ARHGAP24: variants seen among roughly 807,000 people sequenced by gnomAD.
The protein encoded by ARHGAP24 is Rho GTPase activating protein 24.
ARHGAP24 carries 50 observed loss-of-function variants against 76.4 expected under a neutral mutation model. The observed-to-expected ratio is 0.65, with a 90% CI of 0.52 to 0.83. The LOEUF (loss-of-function observed/expected upper bound fraction) is 0.83. ARHGAP24 is among the 40% of genes least tolerant of loss of function. ARHGAP24 has a pLI of 0.00. For synonymous variants in ARHGAP24, 345 were observed against 323.3 expected (o/e 1.07, Z -0.72); for missense variants, 930 against 914.2 (o/e 1.02, Z -0.22).
intron 6 of ARHGAP24, among the ~76,000 whole-genome samples, chr4:85,974,510 T>C (rs1045343905): frequency 2.0e-5 from 3 of 152,210 alleles, no homozygotes; most frequent in Non-Finnish European, 2.9e-5. Flanking sequence ...TGTCAGTAGA[T>C]GTATTTGTCT....
In ARHGAP24 at chr4:85,972,145, C is replaced by T. The variant is rs1441887823; in HGVS notation, c.709C>T (p.Leu237=). The T allele has an allele frequency of 6.2e-7, 1 of 1,613,582 alleles. No homozygotes were observed. Among genetic ancestry groups the T allele is most frequent in the African/African-American group, 1.3e-5 (1 of 74,814 alleles). Residue 237 remains leucine, a synonymous_variant, in exon 6 of 10, where the codon CTG becomes TTG. Coordinates refer to ENST00000395184, the MANE Select transcript of ARHGAP24 (RefSeq NM_001025616.3). ...TGAAGATTTTTTGTCATGTGCCAAA[C>T]TGCTCAGCAAGGAAGAGGAAGCAGT... is the stretch of plus-strand genomic sequence containing the variant. ...KYEDFLSCAK[L]LSKEEEAGVK...
At chr4:85,733,476 G>A (rs909171346) in intron 3 of ARHGAP24, among the ~76,000 whole-genome samples, 3 of 152,130 alleles carry the variant, frequency 2.0e-5, no homozygotes, top group African/African-American at 4.8e-5. Context: ...TGCTTGATTA[G>A]CACTGTTTTT....
At chr4:85,652,183 A>G (rs775756889) in intron 2 of ARHGAP24, among the ~76,000 whole-genome samples, 8 of 152,182 alleles carry the variant, frequency 5.3e-5, no homozygotes, top group Non-Finnish European at 1.0e-4. Context: ...CACATTTAAT[A>G]ATAAGATAAT....
At chr4:85,640,249 C>G (rs971803008) in intron 2 of ARHGAP24, among the ~76,000 whole-genome samples, 1 of 152,148 alleles carries the variant, frequency 6.6e-6, no homozygotes, top group Non-Finnish European at 1.5e-5. Context: ...AGTATTCAAA[C>G]GAACCAATTC....
At chr4:85,994,464 T>C (rs1281933104) in intron 8 of ARHGAP24, 119 bp from the exon 9 acceptor site, 3 of 1,001,394 alleles carry the variant, frequency 3.0e-6, no homozygotes, top group Non-Finnish European at 4.8e-6. Context: ...AAGAATATGG[T>C]TTGGTACTGA....
chr4:85,507,539 C>T (rs1009001155), intron 1 of ARHGAP24, among the ~76,000 whole-genome samples: 2 of 152,106 alleles, frequency 1.3e-5, no homozygotes, highest in Non-Finnish European at 1.5e-5. Context: ...AACTGACATT[C>T]CCATCAGCAG....
At chr4:85,895,017 A>G (rs10015778) in intron 3 of ARHGAP24, among the ~76,000 whole-genome samples, 151 of 89,890 alleles carry the variant, frequency 1.7e-3, no homozygotes, top group South Asian at 4.2e-3. Flanking sequence ...AAAAAAAAAA[A>G]AAAAGAAAAG....
intron 3 of ARHGAP24, among the ~76,000 whole-genome samples, chr4:85,751,018 A>T (rs1726241941): frequency 6.6e-6 from 1 of 152,232 alleles, no homozygotes; most frequent in Non-Finnish European, 1.5e-5. Context: ...TACACATAAA[A>T]ATAAGTTTTT....
chr4:85,892,181 G>A (rs1733913789), intron 3 of ARHGAP24, among the ~76,000 whole-genome samples: 1 of 64,354 alleles, frequency 1.6e-5, no homozygotes, highest in South Asian at 5.3e-4. Flanking sequence ...ATGGTAGTTT[G>A]TATTTCTGTG....
chr4:85,980,402 G>A (rs1258318997), intron 8 of ARHGAP24, among the ~76,000 whole-genome samples: 2 of 151,916 alleles, frequency 1.3e-5, no homozygotes, highest in African/African-American at 2.4e-5. Flanking sequence ...AGGAATCCTG[G>A]TTTGCAAAGA....
intron 1 of ARHGAP24, among the ~76,000 whole-genome samples, chr4:85,558,480 A>G (rs1011996589): frequency 1.3e-5 from 2 of 152,226 alleles, no homozygotes; most frequent in Non-Finnish European, 2.9e-5. Context: ...GAATAGCAGT[A>G]CTTCATCAAA....
intron 2 of ARHGAP24, among the ~76,000 whole-genome samples, chr4:85,628,519 A>G (rs1263188138): frequency 6.6e-6 from 1 of 152,148 alleles, no homozygotes; most frequent in Non-Finnish European, 1.5e-5. Context: ...GGTTCATTTT[A>G]TCTGTGGCGG....
intron 2 of ARHGAP24, among the ~76,000 whole-genome samples, chr4:85,693,819 G>T (rs1365775326): frequency 6.6e-6 from 1 of 152,220 alleles, no homozygotes; most frequent in Non-Finnish European, 1.5e-5. Flanking sequence ...AGCCCAGGGG[G>T]CATGGGTGCC....
At chr4:85,700,439 C>A (rs975942025) in intron 2 of ARHGAP24, among the ~76,000 whole-genome samples, 1 of 149,740 alleles carries the variant, frequency 6.7e-6, no homozygotes, top group Non-Finnish European at 1.5e-5. Flanking sequence ...GAAAATGGAG[C>A]CAACAGGAGT....
intron 9 of ARHGAP24, among the ~76,000 whole-genome samples, chr4:85,996,623 T>C (rs572481631): frequency 2.0e-5 from 3 of 152,350 alleles, no homozygotes; most frequent in East Asian, 3.9e-4. Flanking sequence ...ATACTACTTA[T>C]AAATGAGATT....
intron 5 of ARHGAP24, among the ~76,000 whole-genome samples, chr4:85,969,970 A>T (rs1462716261): frequency 6.6e-6 from 1 of 152,220 alleles, no homozygotes; most frequent in African/African-American, 2.4e-5. Context: ...TTATTTAATT[A>T]TCAAGAAAAT....
intron 5 of ARHGAP24, among the ~76,000 whole-genome samples, chr4:85,961,973 C>T (rs887762515): frequency 3.3e-5 from 5 of 152,068 alleles, no homozygotes; most frequent in Non-Finnish European, 5.9e-5. Context: ...CAGAGCTTAG[C>T]GAAGGGAAAA....
chr4:85,984,813 C>T (rs911481493), intron 8 of ARHGAP24, among the ~76,000 whole-genome samples: 1 of 152,012 alleles, frequency 6.6e-6, no homozygotes, highest in Admixed American at 6.6e-5. Flanking sequence ...AGAAAAACAA[C>T]TCTTTTATTT....
At position 85,507,788 on chromosome 4, in the gene ARHGAP24, A is replaced by C. The variant is rs534186969; in HGVS notation, c.-21+32229A>C. On this transcript the variant is annotated intron_variant, in intron 1 of 9. Transcript: ENST00000395184. The stretch of plus-strand genomic sequence containing the variant: ...TTGTAGGGACAGGTTCTTTTTCATA[A>C]ATCTTTGTAATTATTGCCTTGAATA... Among the ~76,000 whole-genome samples, 15 of 152,284 alleles carry C rather than the reference A, an allele frequency of 9.9e-5. No individual in the cohort carries two copies. The South Asian group carries it at 3.1e-3, about 32-fold the overall frequency.
Sources: gnomAD v4.1 joint callset for allele counts (sites outside exome capture counted in the v4.1 genomes callset) on GRCh38, gnomAD v4.1.1 for gene constraint, MANE v1.5 for transcripts, NCBI Gene and HGNC (gene_info 2026-07-23, HGNC 2026-07-21) for gene names.